Variants in CDK19 observed in about 807,000 individuals in gnomAD.
The protein encoded by CDK19 is cyclin-dependent kinase 19.
Under a neutral mutation model 68.3 loss-of-function variants are expected in CDK19, and 20 were observed. The observed-to-expected ratio is 0.29, with a 90% CI of 0.21 to 0.43. The LOEUF (loss-of-function observed/expected upper bound fraction) is 0.43, where lower values mean the gene tolerates loss of function less well. Ranked by LOEUF, CDK19 falls within the 20% of genes least tolerant of loss-of-function variation. The pLI, the probability that CDK19 is intolerant of heterozygous loss-of-function variation, is 1.00. For missense variants in CDK19, 339 were observed against 623.5 expected (o/e 0.54, Z 4.86); for synonymous variants, 221 against 222.8 (o/e 0.99, Z 0.07).
chr6:110,634,039 T>G (rs1779603303), intron 5 of CDK19, among the ~76,000 whole-genome samples: 1 of 152,204 alleles, frequency 6.6e-6, no homozygotes. Context: ...AAATGTTGAT[T>G]GTATAAGGGG....
intron 1 of CDK19, among the ~76,000 whole-genome samples, chr6:110,796,387 A>C (rs902893359): frequency 5.3e-5 from 8 of 151,928 alleles, no homozygotes; most frequent in Admixed American, 5.3e-4. Context: ...GAGTGGTGGC[A>C]CATGCTTGTA....
chr6:110,770,079 T>C (rs1002218797), intron 1 of CDK19, among the ~76,000 whole-genome samples: 1 of 152,140 alleles, frequency 6.6e-6, no homozygotes, highest in Admixed American at 6.6e-5. Context: ...TTAAAAAAAA[T>C]AGCTTCTCTG....
chr6:110,804,272 G>GT (rs974562723), intron 1 of CDK19, among the ~76,000 whole-genome samples: 1 of 152,032 alleles, frequency 6.6e-6, no homozygotes, highest in Non-Finnish European at 1.5e-5. Context: ...TACACAATAG[G>GT]TTTAAAGCCT....
chr6:110,645,438 T>G (rs1350790210), intron 4 of CDK19, among the ~76,000 whole-genome samples: 1 of 152,188 alleles, frequency 6.6e-6, no homozygotes, highest in African/African-American at 2.4e-5. Flanking sequence ...TGTATAGCCT[T>G]AAATATGTTA....
intron 2 of CDK19, among the ~76,000 whole-genome samples, chr6:110,712,443 G>A (rs1373780484): frequency 6.6e-6 from 1 of 152,178 alleles, no homozygotes; most frequent in Non-Finnish European, 1.5e-5. Context: ...TACTGAATCA[G>A]CATTAAATAA....
chr6:110,772,380 CT>C (rs1249293326), intron 1 of CDK19, among the ~76,000 whole-genome samples: 1 of 151,922 alleles, frequency 6.6e-6, no homozygotes, highest in Non-Finnish European at 1.5e-5. Context: ...AAACCGCCCC[CT>C]TAATTCAAAT....
At chr6:110,770,587 A>G (rs1166469767) in intron 1 of CDK19, among the ~76,000 whole-genome samples, 1 of 152,174 alleles carries the variant, frequency 6.6e-6, no homozygotes, top group Non-Finnish European at 1.5e-5. Context: ...ACAGAGCCAA[A>G]CCATATCATT....
chr6:110,785,994 G>GA (rs1394766495), intron 1 of CDK19, among the ~76,000 whole-genome samples: 1 of 149,780 alleles, frequency 6.7e-6, no homozygotes. Context: ...AAAAAAAAAA[G>GA]AAAGGAAAAT....
intron 4 of CDK19, chr6:110,646,307 C>G (rs1469861106): frequency 1.1e-5 from 16 of 1,494,458 alleles, no homozygotes; most frequent in East Asian, 2.5e-5. Flanking sequence ...AGGTGCTCAG[C>G]GACTACCTGC....
intron 2 of CDK19, among the ~76,000 whole-genome samples, chr6:110,702,142 A>AAAAAAT (rs1269910317): frequency 2.6e-5 from 4 of 151,586 alleles, no homozygotes; most frequent in African/African-American, 9.7e-5. Context: ...TTCTGTCTCA[A>AAAAAAT]AAAAATAAAA....
intron 2 of CDK19, among the ~76,000 whole-genome samples, chr6:110,671,997 C>CA (rs1360831647): frequency 1.3e-5 from 2 of 152,142 alleles, no homozygotes; most frequent in Non-Finnish European, 2.9e-5. Context: ...AGGCTGGTCT[C>CA]AAACTGCTGA....
At position 110,622,147 on chromosome 6, in the gene CDK19, T is replaced by C. The variant is rs1293726339; in HGVS notation, c.1051A>G (p.Ile351Val). The C allele has an allele frequency of 1.9e-6, 3 of 1,610,984 alleles. No homozygotes were observed. Among genetic ancestry groups the C allele is most frequent in the Non-Finnish European group, 2.5e-6 (3 of 1,178,172 alleles). Residue 351 changes from isoleucine (I) to valine (V), a missense_variant, in exon 11 of 13, where the codon ATT becomes GTT. Coordinates refer to ENST00000368911, the MANE Select transcript of CDK19 (RefSeq NM_015076.5). ...PTLDVFAGCQ[I>V]PYPKREFLNE... ...AGGAATTCTCGTTTGGGGTATGGAA[T>C]CTGGCAGCCGGCAAATACACTAAAA...
At chr6:110,685,156 A>G (rs1213788614) in intron 2 of CDK19, among the ~76,000 whole-genome samples, 1 of 152,010 alleles carries the variant, frequency 6.6e-6, no homozygotes, top group African/African-American at 2.4e-5. Flanking sequence ...AGAAAAGAAA[A>G]CCTTATAACC....
chr6:110,750,232 T>C (rs202211988), intron 1 of CDK19, among the ~76,000 whole-genome samples: 2 of 145,570 alleles, frequency 1.4e-5, no homozygotes, highest in East Asian at 4.4e-4. Context: ...GTTACTGTGA[T>C]GTAAGTGTGA....
intron 1 of CDK19, among the ~76,000 whole-genome samples, chr6:110,798,001 A>G (rs1442786741): frequency 2.0e-5 from 3 of 150,162 alleles, no homozygotes; most frequent in South Asian, 2.1e-4. Context: ...AAAAAAAAAA[A>G]AAAAGAAAGA....
At position 110,663,286 on chromosome 6, in the gene CDK19, A is replaced by T. The variant is rs1370393479; in HGVS notation, c.456+4148T>A. Among the ~76,000 whole-genome samples the T allele has an allele frequency of 2.6e-5, 4 of 152,336 alleles. No individual in the cohort carries two copies. In the East Asian group the frequency reaches 7.7e-4, roughly 29 times the overall value. ...GTCACTGACTACAACAGCAACTCTT[A>T]AACTCACAAAACATAATTTTTCAAA... is the stretch of plus-strand genomic sequence containing the variant. On this transcript the variant is annotated intron_variant, in intron 4 of 12. Transcript: ENST00000368911.
intron 2 of CDK19, among the ~76,000 whole-genome samples, chr6:110,735,330 A>G (rs1293744899): frequency 6.6e-6 from 1 of 152,296 alleles, no homozygotes; most frequent in African/African-American, 2.4e-5. Context: ...AAACTTTATC[A>G]AAACAAATAC....
intron 1 of CDK19, 118 bp from the exon 2 acceptor site, chr6:110,746,319 T>C (rs1778074039): frequency 1.8e-6 from 1 of 554,566 alleles, no homozygotes; most frequent in African/African-American, 2.0e-5. Flanking sequence ...ATTCTCATTA[T>C]ACCATGTATT....
intron 2 of CDK19, among the ~76,000 whole-genome samples, chr6:110,741,592 G>T (rs370729682): frequency 6.6e-6 from 1 of 151,098 alleles, no homozygotes; most frequent in African/African-American, 2.4e-5. Flanking sequence ...TCAGAAAGCC[G>T]CACCAAGACA....
Sources: allele counts gnomAD v4.1 joint callset (sites outside exome capture counted in the v4.1 genomes callset), GRCh38; gene constraint gnomAD v4.1.1; transcripts MANE v1.5; gene names NCBI Gene and HGNC (gene_info 2026-07-23, HGNC 2026-07-21).